Variants in SVOPL observed in about 807,000 individuals in gnomAD.
The protein encoded by SVOPL is SVOP like.
Under a neutral mutation model 61.0 loss-of-function variants are expected in SVOPL, and 60 were observed. That is an observed-to-expected ratio of 0.98 (90% confidence interval 0.80 to 1.22). SVOPL has a LOEUF of 1.22. SVOPL is among the 50% of genes most tolerant of loss of function. The pLI is 0.00. For synonymous variants in SVOPL, 279 were observed against 250.0 expected (o/e 1.12, Z -1.09); for missense variants, 662 against 643.9 (o/e 1.03, Z -0.30).
At position 138,594,724 on chromosome 7, in the gene SVOPL, A is replaced by T. The variant is rs1374274293; in HGVS notation, c.1468-103T>A. The T allele has an allele frequency of 3.7e-6, 3 of 812,750 alleles. No homozygotes were observed. In the African/African-American group the frequency reaches 5.3e-5, roughly 14 times the overall value. 50.3% of individuals were successfully genotyped at this position (812,750 alleles called of 1,614,324 possible). On this transcript the variant is annotated intron_variant, in intron 15 of 15. Coordinates refer to ENST00000674285, the MANE Select transcript of SVOPL (RefSeq NM_001139456.2). ...TTAGTAATAGAAGATTCTTTAATAAAAAATTATTAGGAGGGAAAATCCTAG... is the reference window on the plus strand; with the variant it reads ...TTAGTAATAGAAGATTCTTTAATAATAAATTATTAGGAGGGAAAATCCTAG...
intron 9 of SVOPL, among the ~76,000 whole-genome samples, chr7:138,643,843 A>G (rs1462599327): frequency 6.6e-6 from 1 of 152,166 alleles, no homozygotes; most frequent in African/African-American, 2.4e-5. Context: ...TTATGGTTTC[A>G]TGACAATACA....
chr7:138,651,104 G>A (rs1801411087), intron 7 of SVOPL, among the ~76,000 whole-genome samples: 2 of 151,962 alleles, frequency 1.3e-5, no homozygotes, highest in African/African-American at 4.8e-5. Context: ...GTATGAGCCA[G>A]TTCTGGACTT....
intron 14 of SVOPL, among the ~76,000 whole-genome samples, chr7:138,607,250 G>A (rs184285830): frequency 1.3e-5 from 2 of 152,318 alleles, no homozygotes; most frequent in East Asian, 3.9e-4. Context: ...CTCGTCTAGA[G>A]ATAGAAGTTT....
chr7:138,673,432 G>A (rs1467913108), intron 3 of SVOPL, among the ~76,000 whole-genome samples: 6 of 152,168 alleles, frequency 3.9e-5, no homozygotes, highest in South Asian at 4.2e-4. Flanking sequence ...TGAGGTAGGC[G>A]GATCACTTGA....
At chr7:138,612,946 G>A (rs908137836) in intron 14 of SVOPL, among the ~76,000 whole-genome samples, 2 of 152,118 alleles carry the variant, frequency 1.3e-5, no homozygotes, top group African/African-American at 4.8e-5. Flanking sequence ...TGAACTGAGA[G>A]TTGTCTTATA....
rs534537811 is a variant in SVOPL at position 138,650,517 on chromosome 7, G to C, written c.535-1380C>G. Reference sequence around the variant, plus strand: ...TTAAGGAGGCGCTCTAGGTTGTAGAGAAAGATTTTGGGGCCAGTGCGGTGG... The same window carrying C: ...TTAAGGAGGCGCTCTAGGTTGTAGACAAAGATTTTGGGGCCAGTGCGGTGG... On this transcript the variant is annotated intron_variant, in intron 7 of 15. Transcript: ENST00000674285. Among the ~76,000 whole-genome samples, 3 of 151,556 alleles carry C rather than the reference G, an allele frequency of 2.0e-5. No individual in the cohort carries two copies. In the East Asian group the frequency reaches 6.0e-4, roughly 30 times the overall value.
At position 138,686,887 on chromosome 7, in the gene SVOPL, G is replaced by C. The variant is rs150458260; in HGVS notation, c.-34-7808C>G. On this transcript the variant is annotated intron_variant, in intron 1 of 15. Coordinates refer to ENST00000674285, the MANE Select transcript of SVOPL (RefSeq NM_001139456.2). ...CCTAGTTTTTAATCTAGCTGGGGAC[G>C]CAAAAGATAAACATAACAAACAATT... Among the ~76,000 whole-genome samples the C allele has an allele frequency of 1.7e-3, 258 of 152,032 alleles. 1 individual carries two copies. The highest frequency in any genetic ancestry group is 5.8e-3 in the African/African-American group (242 of 41,468).
At chr7:138,651,711 A>G (rs1271023428) in intron 7 of SVOPL, among the ~76,000 whole-genome samples, 1 of 152,162 alleles carries the variant, frequency 6.6e-6, no homozygotes, top group Non-Finnish European at 1.5e-5. Context: ...GGGGCACCGC[A>G]AACTGCACCT....
At chr7:138,690,819 C>A (rs1022251355) in intron 1 of SVOPL, among the ~76,000 whole-genome samples, 5 of 152,068 alleles carry the variant, frequency 3.3e-5, no homozygotes, top group African/African-American at 1.2e-4. Flanking sequence ...GTTGCCCAGG[C>A]TGGAGTGCAG....
chr7:138,621,908 A>G (rs1341934566), intron 13 of SVOPL, among the ~76,000 whole-genome samples: 2 of 116,738 alleles, frequency 1.7e-5, no homozygotes, highest in Non-Finnish European at 3.9e-5. Flanking sequence ...CTATCTATGT[A>G]TCTATCTATG....
intron 7 of SVOPL, among the ~76,000 whole-genome samples, chr7:138,650,044 C>A (rs1291525669): frequency 6.6e-6 from 1 of 152,098 alleles, no homozygotes; most frequent in Non-Finnish European, 1.5e-5. Flanking sequence ...GTTGGTCAGG[C>A]TGGTCTCAAA....
chr7:138,624,028 C>T (rs1276064896), intron 13 of SVOPL, among the ~76,000 whole-genome samples: 1 of 152,100 alleles, frequency 6.6e-6, no homozygotes, highest in African/African-American at 2.4e-5. Flanking sequence ...CCATGTTGGC[C>T]AGGCTGGTCT....
intron 4 of SVOPL, among the ~76,000 whole-genome samples, chr7:138,666,509 G>A (rs373816473): frequency 1.3e-5 from 2 of 152,156 alleles, no homozygotes; most frequent in Admixed American, 1.3e-4. Flanking sequence ...CCAGGTCAAG[G>A]GTTCAGGGTC....
At chr7:138,662,408 G>T in intron 5 of SVOPL, 1 of 985,440 alleles carries the variant, frequency 1.0e-6, no homozygotes, top group East Asian at 1.1e-4. Flanking sequence ...AATTAAGGGA[G>T]ACTTGCTCCC....
intron 1 of SVOPL, among the ~76,000 whole-genome samples, chr7:138,681,390 A>G (rs1802698610): frequency 6.6e-6 from 1 of 151,114 alleles, no homozygotes. Context: ...AACATAAACA[A>G]ACAAACCCAG....
chr7:138,611,867 G>T (rs1584779234), intron 14 of SVOPL, among the ~76,000 whole-genome samples: 2 of 79,102 alleles, frequency 2.5e-5, no homozygotes, highest in Non-Finnish European at 2.6e-5. Flanking sequence ...TGCAGCCTCT[G>T]CCCGGCCGCC....
intron 14 of SVOPL, among the ~76,000 whole-genome samples, chr7:138,606,817 G>C (rs1216040376): frequency 2.0e-5 from 3 of 152,094 alleles, no homozygotes; most frequent in African/African-American, 7.2e-5. Flanking sequence ...AGCCGGGCGT[G>C]GTGGCGCATG....
At chr7:138,639,240 G>C (rs1223096365) in intron 9 of SVOPL, among the ~76,000 whole-genome samples, 1 of 151,952 alleles carries the variant, frequency 6.6e-6, no homozygotes, top group African/African-American at 2.4e-5. Flanking sequence ...GGGCAACAGA[G>C]CAAGATTCTG....
At chr7:138,697,670 A>G (rs58324134) in intron 1 of SVOPL, among the ~76,000 whole-genome samples, 4,816 of 149,190 alleles carry the variant, frequency 0.032, 278 homozygotes, top group African/African-American at 0.11. Context: ...AGAGGAGGAG[A>G]AGGAGGAAAA....
Sources: allele counts gnomAD v4.1 joint callset (sites outside exome capture counted in the v4.1 genomes callset), GRCh38; gene constraint gnomAD v4.1.1; transcripts MANE v1.5; gene names NCBI Gene and HGNC (gene_info 2026-07-23, HGNC 2026-07-21).